The following MMP25 variants were observed in gnomAD, a reference collection of about 807,000 sequenced individuals.
The protein encoded by MMP25 is matrix metalloproteinase-25.
MMP25 carries 68 observed loss-of-function variants against 62.1 expected under a neutral mutation model. The observed-to-expected ratio is 1.10, with a 90% CI of 0.90 to 1.34. MMP25 has a LOEUF of 1.34. MMP25 is among the 40% of genes most tolerant of loss of function. The pLI is 0.00. For synonymous variants in MMP25, 407 were observed against 345.6 expected, an observed-to-expected ratio of 1.18 and a Z score of -1.97; for missense variants, 942 against 792.5, an observed-to-expected ratio of 1.19 and a Z score of -2.26.
chr16:3,057,876 T>C, intron 7 of MMP25: 1 of 583,006 alleles, frequency 1.7e-6, no homozygotes, highest in Non-Finnish European at 3.0e-6. Flanking sequence ...TAATTTATTT[T>C]ATTATTTTGT....
chr16:3,047,702 A>C (rs748574247), intron 2 of MMP25, among the ~76,000 whole-genome samples, 155 bp downstream of exon 2: 1 of 152,086 alleles, frequency 6.6e-6, no homozygotes, highest in Non-Finnish European at 1.5e-5. Context: ...TCATCTTTCC[A>C]TAAGCATTTA....
chr16:3,051,176 G>A (rs1360160382), intron 4 of MMP25: 1 of 152,312 alleles, frequency 6.6e-6, no homozygotes, highest in East Asian at 1.9e-4. Context: ...GGATGTGTGT[G>A]TGTGTGCACG....
At position 3,058,522 on chromosome 16, in the gene MMP25, CAG is replaced by C; in HGVS notation, c.1272_1273del (p.Asn425ArgfsTer40). 1 of 1,610,914 alleles carries C rather than the reference CAG, an allele frequency of 6.2e-7. No individual in the cohort carries two copies. Among genetic ancestry groups the C allele is most frequent in the Non-Finnish European group, 8.5e-7 (1 of 1,179,310 alleles). ...EEVDAVFSWP[Q>X]NGKTYLVRGR... ...GGTGGACGCCGTGTTCTCGTGGCCA[CAG>C]AACGGGAAGACCTACCTGGTCCGCG... is the stretch of plus-strand genomic sequence containing the variant. On this transcript the variant is annotated frameshift_variant, in exon 9 of 10. Transcript: ENST00000336577. LOFTEE classifies it high-confidence loss of function.
intron 4 of MMP25, chr16:3,053,606 CG>C (rs988591268): frequency 3.3e-5 from 5 of 152,060 alleles, no homozygotes; most frequent in Non-Finnish European, 5.9e-5. Flanking sequence ...CAGCAGTCCA[CG>C]GGGGTTGGCG....
Position 3,058,910 on chromosome 16 carries a change from A to T in MMP25, c.1501A>T (p.Met501Leu), listed in dbSNP as rs766234133. The T allele has an allele frequency of 1.3e-6, 2 of 1,553,030 alleles. No homozygotes were observed. The highest frequency in any genetic ancestry group is 2.0e-5 in the Admixed American group (1 of 51,126). ...GACCGAGCCGGACGCCCCCCAGCCC[A>T]TGGGGCCCAACTGGCTGGACTGCCC... ...IKTEPDAPQP[M>L]GPNWLDCPAP... The change falls in exon 10 of 10, where the codon ATG (methionine) becomes TTG (leucine). Residue 501 changes from methionine to leucine, a missense_variant. Coordinates refer to ENST00000336577, the MANE Select transcript of MMP25 (RefSeq NM_022468.5).
At chr16:3,058,723 G>T in intron 9 of MMP25, 54 bp downstream of exon 9, 1 of 1,546,222 alleles carries the variant, frequency 6.5e-7, no homozygotes, top group Non-Finnish European at 8.7e-7. Flanking sequence ...GGAGAGGGAT[G>T]TGGGGAATGG....
In MMP25 at chr16:3,058,395, C is replaced by G; in HGVS notation, c.1160-17C>G. 6.6e-7 allele frequency: 1 copy of G among 1,514,904 alleles called. No individual in the cohort carries two copies. The highest frequency in any genetic ancestry group is 8.8e-7 in the Non-Finnish European group (1 of 1,131,610). 93.8% of individuals were successfully genotyped at this position (1,514,904 alleles called of 1,614,324 possible). The stretch of plus-strand genomic sequence containing the variant: ...CGCGGGGAGCCCACCCCTGACCTCC[C>G]GGCCTCCACCCTGCAGGGCCCCAGT... On this transcript the variant is annotated splice_polypyrimidine_tract_variant and intron_variant, in intron 8 of 9. Coordinates refer to ENST00000336577, the MANE Select transcript of MMP25 (RefSeq NM_022468.5).
chr16:3,059,232 C>A lies in MMP25; in HGVS notation c.*134C>A. 2 of 1,059,626 alleles carry A rather than the reference C, an allele frequency of 1.9e-6. No homozygotes were observed. The highest frequency in any genetic ancestry group is 1.7e-5 in the African/African-American group (1 of 60,322). 65.6% of individuals were successfully genotyped at this position (1,059,626 alleles called of 1,614,324 possible). On this transcript the variant is annotated 3_prime_UTR_variant, in exon 10 of 10. Transcript: ENST00000336577. ...GACGGGGGCTCGGGCGCGGACTAAG[C>A]AGGGGGGATCTCCCGCGCAGGGGCG...
rs750150544 is a variant in MMP25, at chr16:3,058,904, C to G, written c.1495C>G (p.Gln499Glu). Residue 499 changes from glutamine to glutamate, a missense_variant, in exon 10 of 10, where the codon CAG becomes GAG. Gln to Glu is a conservative substitution (Grantham distance 29, BLOSUM62 2). Coordinates refer to ENST00000336577, the MANE Select transcript of MMP25 (RefSeq NM_022468.5). ...NSIKTEPDAP[Q>E]PMGPNWLDCP... The stretch of plus-strand genomic sequence containing the variant: ...CATCAAGACCGAGCCGGACGCCCCC[C>G]AGCCCATGGGGCCCAACTGGCTGGA... 4.5e-6 allele frequency: 7 copies of G among 1,554,692 alleles called. No individual in the cohort carries two copies. The highest frequency in any genetic ancestry group is 1.4e-5 in the African/African-American group (1 of 73,670).
At position 3,058,876 on chromosome 16, in the gene MMP25, C is replaced by G. The variant is rs771382761; in HGVS notation, c.1467C>G (p.Asn489Lys). The change falls in exon 10 of 10, where the codon AAC (asparagine) becomes AAG (lysine). Residue 489 changes from asparagine (N) to lysine (K), a missense_variant. By Grantham distance (94) the Asn-to-Lys change is moderately conservative. Transcript: ENST00000336577. ...CCCACTACTGGCGCTTCCCCAAGAA[C>G]AGCATCAAGACCGAGCCGGACGCCC... ...KGAHYWRFPK[N>K]SIKTEPDAPQ... The G allele has an allele frequency of 3.2e-6, 5 of 1,554,746 alleles. No individual in the cohort carries two copies. In the South Asian group the frequency reaches 6.0e-5, roughly 19 times the overall value.
At chr16:3,053,825 G>A (rs1468781283) in intron 4 of MMP25, 1 of 152,142 alleles carries the variant, frequency 6.6e-6, no homozygotes, top group East Asian at 1.9e-4. Flanking sequence ...GCCTGTGTTT[G>A]GTCATCCAGG....
At position 3,047,074 on chromosome 16, in the gene MMP25, G is replaced by C. The variant is rs779522106; in HGVS notation, c.99+58G>C. ...GCAGAGAGATTGGGAGAGGGAAGCC[G>C]GGCCCGGACTCCTGGGTCCGGAGGA... is the stretch of plus-strand genomic sequence containing the variant. On this transcript the variant is annotated intron_variant, in intron 1 of 9. Transcript: ENST00000336577. The C allele has an allele frequency of 4.4e-6, 6 of 1,376,136 alleles. No individual in the cohort carries two copies. In the East Asian group the frequency reaches 1.8e-4, roughly 41 times the overall value. 85.2% of individuals were successfully genotyped at this position (1,376,136 alleles called of 1,614,324 possible).
rs1349230085 is a variant in MMP25, at chr16:3,059,275, T to C, written c.*177T>C. The C allele has an allele frequency of 1.6e-5, 12 of 733,582 alleles. No homozygotes were observed. Among genetic ancestry groups the C allele is most frequent in the African/African-American group, 5.6e-5 (3 of 53,692 alleles). 45.4% of individuals were successfully genotyped at this position (733,582 alleles called of 1,614,324 possible). A position where few individuals can be genotyped will look rare whatever the true frequency, so the allele number is the denominator to read the frequency against. On this transcript the variant is annotated 3_prime_UTR_variant, in exon 10 of 10. Transcript: ENST00000336577. ...CAGGGGCGGCGGCGGCGGGGACCGG[T>C]CGCCTGGCGCTGGGCTCAGTCTCCT... is the stretch of plus-strand genomic sequence containing the variant.
intron 7 of MMP25, chr16:3,057,832 G>A (rs1021734026): frequency 1.2e-5 from 7 of 600,222 alleles, no homozygotes; most frequent in African/African-American, 9.3e-5. Flanking sequence ...CCTGGTAGCT[G>A]GGACCACAGG....
intron 4 of MMP25, among the ~76,000 whole-genome samples, chr16:3,055,196 G>A (rs1043717009): frequency 2.0e-5 from 3 of 152,052 alleles, no homozygotes; most frequent in African/African-American, 4.8e-5. Flanking sequence ...CCTGTGGACT[G>A]CCCTCTGGGA....
intron 4 of MMP25, among the ~76,000 whole-genome samples, chr16:3,055,575 G>A (rs1297466098): frequency 6.6e-6 from 1 of 152,206 alleles, no homozygotes; most frequent in African/African-American, 2.4e-5. Context: ...ATGGGCATAG[G>A]AGACAGGTTT....
At position 3,046,969 on chromosome 16, in the gene MMP25, C is replaced by T; in HGVS notation, c.52C>T (p.Pro18Ser). 1 of 1,471,844 alleles carries T rather than the reference C, an allele frequency of 6.8e-7. No homozygotes were observed. The highest frequency in any genetic ancestry group is 8.9e-7 in the Non-Finnish European group (1 of 1,119,694). 91.2% of individuals were successfully genotyped at this position (1,471,844 alleles called of 1,614,324 possible). A position where few individuals can be genotyped will look rare whatever the true frequency, so the allele number is the denominator to read the frequency against. ...LALLLLLLAP[P>S]ARAPKPSAQD... Reference sequence around the variant, plus strand: ...GCTGCTGCTTCTGCTGCTGGCACCGCCCGCGCGCGCCCCGAAGCCCTCGGC... The same window carrying T: ...GCTGCTGCTTCTGCTGCTGGCACCGTCCGCGCGCGCCCCGAAGCCCTCGGC... The change falls in exon 1 of 10, where the codon CCC becomes TCC. Residue 18 changes from proline to serine, a missense_variant. By Grantham distance (74) the Pro-to-Ser change is moderately conservative. Transcript: ENST00000336577.
At position 3,057,112 on chromosome 16, in the gene MMP25, C is replaced by T; in HGVS notation, c.741C>T (p.Pro247=). 1 of 1,613,448 alleles carries T rather than the reference C, an allele frequency of 6.2e-7. No individual in the cohort carries two copies. The highest frequency in any genetic ancestry group is 8.5e-7 in the Non-Finnish European group (1 of 1,179,760). The change falls in exon 5 of 10, where the codon CCC becomes CCT. Residue 247 remains proline, a synonymous_variant. Transcript: ENST00000336577. ...HALGLGHSSA[P]NSIMRPFYQG... ...TGGGCCTGGGCCACTCCTCAGCCCC[C>T]AACTCCATTATGAGGCCCTTCTACC... is the stretch of plus-strand genomic sequence containing the variant.
At position 3,059,088 on chromosome 16, in the gene MMP25, C is replaced by CT; in HGVS notation, c.1679_1680insT (p.Ser561LeufsTer74). On this transcript the variant is annotated frameshift_variant, in exon 10 of 10. Coordinates refer to ENST00000336577, the MANE Select transcript of MMP25 (RefSeq NM_022468.5). LOFTEE classifies it high-confidence loss of function. ...TTGCCCCTGCTGGTGGGGGGTGTAG[C>CT]CTCCCGCTGATGGGGGGAGCCATCC... 1 of 1,543,162 alleles carries CT rather than the reference C, an allele frequency of 6.5e-7. No individual in the cohort carries two copies. The highest frequency in any genetic ancestry group is 2.5e-5 in the East Asian group (1 of 40,768).
Sources: allele counts gnomAD v4.1 joint callset (sites outside exome capture counted in the v4.1 genomes callset), GRCh38; gene constraint gnomAD v4.1.1; transcripts MANE v1.5; gene names NCBI Gene and HGNC (gene_info 2026-07-23, HGNC 2026-07-21).